Variants in PICALM observed in about 807,000 individuals in gnomAD.
PICALM encodes the protein phosphatidylinositol binding clathrin assembly protein, also known as phosphatidylinositol-binding clathrin assembly protein.
PICALM carries 40 observed loss-of-function variants against 80.5 expected under a neutral mutation model. The observed-to-expected ratio is 0.50, with a 90% CI of 0.39 to 0.65. The LOEUF (loss-of-function observed/expected upper bound fraction) is 0.65. Among genes scored for constraint, PICALM ranks in the 30% least tolerant of loss-of-function variants. The probability of loss-of-function intolerance (pLI) is 0.00; values close to 1 mark genes in which losing one functional copy is unlikely to be tolerated. For synonymous variants in PICALM, 288 were observed against 260.3 expected (o/e 1.11, Z -1.02); for missense variants, 676 against 778.9 (o/e 0.87, Z 1.57).
intron 12 of PICALM, 47 bp from the exon 13 acceptor site, chr11:85,990,446 T>C: frequency 8.1e-7 from 1 of 1,234,156 alleles, no homozygotes; most frequent in Non-Finnish European, 1.1e-6. Flanking sequence ...AGGAAGTAAA[T>C]AAATTAGTAT....
chr11:85,988,848 TAGAA>T (rs2135866844), intron 13 of PICALM, among the ~76,000 whole-genome samples: 1 of 152,258 alleles, frequency 6.6e-6, no homozygotes, highest in East Asian at 1.9e-4. Context: ...TTGCATAAAT[TAGAA>T]AGAAAAACCC....
chr11:85,961,662 A>G (rs2093692176), intron 19 of PICALM, among the ~76,000 whole-genome samples: 1 of 152,280 alleles, frequency 6.6e-6, no homozygotes, highest in Non-Finnish European at 1.5e-5. Context: ...CAAGCTTTTA[A>G]TTCTTTTTCT....
chr11:85,969,666 G>A (rs1248626857), intron 19 of PICALM: 2 of 420,128 alleles, frequency 4.8e-6, no homozygotes, highest in Non-Finnish European at 9.5e-6. Context: ...ACCTTATCTA[G>A]TTCAAAGATA....
At chr11:85,991,456 C>A (rs1484579295) in intron 12 of PICALM, among the ~76,000 whole-genome samples, 2 of 151,766 alleles carry the variant, frequency 1.3e-5, no homozygotes, top group Admixed American at 6.6e-5. Flanking sequence ...AGGACCAGCT[C>A]ATTTACTATG....
chr11:85,967,605 C>T (rs1230835974), intron 19 of PICALM, among the ~76,000 whole-genome samples: 1 of 152,202 alleles, frequency 6.6e-6, no homozygotes, highest in Non-Finnish European at 1.5e-5. Context: ...ATGAGCACAA[C>T]ACATTGCTTA....
At chr11:85,971,054 T>C (rs964059747) in intron 19 of PICALM, among the ~76,000 whole-genome samples, 7 of 152,176 alleles carry the variant, frequency 4.6e-5, no homozygotes, top group Non-Finnish European at 7.3e-5. Context: ...ATTAGATACA[T>C]GCAGAACAAA....
At chr11:85,995,932 G>A (rs977559401) in intron 12 of PICALM, among the ~76,000 whole-genome samples, 1 of 152,048 alleles carries the variant, frequency 6.6e-6, no homozygotes, top group Non-Finnish European at 1.5e-5. Context: ...AGCCTTCAAA[G>A]TCAATTAGTT....
chr11:85,996,988 T>C, intron 11 of PICALM, 59 bp from the exon 12 acceptor site: 4 of 958,258 alleles, frequency 4.2e-6, no homozygotes, highest in Non-Finnish European at 6.7e-6. Context: ...TACTTTAGTG[T>C]CACCTTCTCC....
At chr11:86,021,586 G>A (rs1411193334) in intron 4 of PICALM, among the ~76,000 whole-genome samples, 1 of 151,634 alleles carries the variant, frequency 6.6e-6, no homozygotes, top group Non-Finnish European at 1.5e-5. Flanking sequence ...ATTGCTGGTG[G>A]GAACGTAAAG....
intron 12 of PICALM, among the ~76,000 whole-genome samples, chr11:85,995,497 A>G (rs868091428): frequency 3.3e-5 from 5 of 152,184 alleles, no homozygotes; most frequent in African/African-American, 1.2e-4. Flanking sequence ...AGAAACTTCA[A>G]CTTGTCATTT....
At position 85,957,398 on chromosome 11, in the gene PICALM, A is replaced by C. The variant is rs2093564702; in HGVS notation, c.*1648T>G. On this transcript the variant is annotated 3_prime_UTR_variant, in exon 20 of 20. Transcript: ENST00000393346. ...CATAATTATATGTACCAAAACATTAAACTGCGTATTTTCCCTTAAACTTAC... is the reference window on the plus strand; with the variant it reads ...CATAATTATATGTACCAAAACATTACACTGCGTATTTTCCCTTAAACTTAC... Among the ~76,000 whole-genome samples the C allele has an allele frequency of 6.6e-6, 1 of 152,194 alleles. No individual in the cohort carries two copies. Among genetic ancestry groups the C allele is most frequent in the African/African-American group, 2.4e-5 (1 of 41,460 alleles).
At chr11:85,968,304 A>AAAACAAAACT (rs1375641792) in intron 19 of PICALM, among the ~76,000 whole-genome samples, 1 of 142,246 alleles carries the variant, frequency 7.0e-6, no homozygotes, top group African/African-American at 2.6e-5. Context: ...AAAACAAAAC[A>AAAACAAAACT]AACAAACAAA....
intron 1 of PICALM, among the ~76,000 whole-genome samples, chr11:86,055,444 T>A (rs1202901466): frequency 6.6e-6 from 1 of 152,190 alleles, no homozygotes; most frequent in African/African-American, 2.4e-5. Flanking sequence ...CTAAGACTAT[T>A]CTGAAAATGT....
chr11:86,023,426 A>G (rs2095599408), intron 3 of PICALM: 1 of 983,722 alleles, frequency 1.0e-6, no homozygotes, highest in Non-Finnish European at 1.2e-6. Flanking sequence ...CTACTACTGT[A>G]CACGTCAGGT....
chr11:86,037,259 A>G lies in PICALM; in HGVS notation c.131-5648T>C, dbSNP rs868294837. Among the ~76,000 whole-genome samples the G allele has an allele frequency of 7.5e-5, 8 of 106,044 alleles. No homozygotes were observed. The East Asian group carries it at 2.0e-3, about 27-fold the overall frequency. The allele number at this position is 106,044 out of a possible 152,430, so 69.6% of individuals were successfully genotyped here. ...CACACCCAGCCAAAAAAAAAAGAAA[A>G]TTTTTTTTTTTTTTTTTTGAGACGG... is the stretch of plus-strand genomic sequence containing the variant. On this transcript the variant is annotated intron_variant, in intron 1 of 19. Transcript: ENST00000393346.
At chr11:86,000,847 G>C in intron 10 of PICALM, 68 bp from the exon 11 acceptor site, 2 of 1,552,062 alleles carry the variant, frequency 1.3e-6, no homozygotes, top group Non-Finnish European at 1.7e-6. Context: ...TCTGAAAAAA[G>C]CATTTTCTAA....
intron 3 of PICALM, 36 bp from the exon 4 acceptor site, chr11:86,022,505 A>C (rs767609843): frequency 1.3e-5 from 15 of 1,139,612 alleles, no homozygotes; most frequent in Non-Finnish European, 1.7e-5. Context: ...AAACAAAGAG[A>C]GAGACAAGTT....
At chr11:86,004,286 C>T (rs1319445164) in intron 8 of PICALM, among the ~76,000 whole-genome samples, 4 of 151,930 alleles carry the variant, frequency 2.6e-5, no homozygotes, top group Non-Finnish European at 4.4e-5. Flanking sequence ...TCAAACAATA[C>T]GATGAGCAAA....
chr11:85,971,822 G>A (rs143457475), intron 19 of PICALM, among the ~76,000 whole-genome samples: 38 of 151,834 alleles, frequency 2.5e-4, no homozygotes, highest in Admixed American at 6.6e-4. Flanking sequence ...AGCTCTTGTC[G>A]CCCAGCCTGG....
Sources: gnomAD v4.1 joint callset for allele counts (sites outside exome capture counted in the v4.1 genomes callset) on GRCh38, gnomAD v4.1.1 for gene constraint, MANE v1.5 for transcripts, NCBI Gene and HGNC (gene_info 2026-07-23, HGNC 2026-07-21) for gene names.